PCDHA4: variants seen among roughly 807,000 people sequenced by gnomAD.
The protein encoded by PCDHA4 is protocadherin alpha-4.
A neutral mutation model predicts 61.4 loss-of-function variants in PCDHA4; 49 were observed. The observed-to-expected ratio is 0.80, with a 90% CI of 0.63 to 1.01. The LOEUF is 1.01. Among genes scored for constraint, PCDHA4 ranks in the 50% least tolerant of loss-of-function variants. The probability of loss-of-function intolerance (pLI) is 0.00; values close to 1 mark genes in which losing one functional copy is unlikely to be tolerated. For synonymous variants in PCDHA4, 590 were observed against 550.3 expected, an observed-to-expected ratio of 1.07 and a Z score of -1.01; for missense variants, 1,254 against 1,235.8, an observed-to-expected ratio of 1.01 and a Z score of -0.22.
At chr5:141,005,796 AAC>A (rs2098240426) in intron 3 of PCDHA4, among the ~76,000 whole-genome samples, 1 of 151,400 alleles carries the variant, frequency 6.6e-6, no homozygotes, top group Admixed American at 6.6e-5. Flanking sequence ...AGGCAAAAAC[AAC>A]TCCAAGGAGC....
chr5:140,927,621 A>G (rs141117468), intron 1 of PCDHA4: 25 of 1,614,198 alleles, frequency 1.5e-5, no homozygotes, highest in Middle Eastern at 3.3e-4. Context: ...CCAAGGTTCC[A>G]GAGACTGCAC....
intron 1 of PCDHA4, chr5:140,836,158 C>A (rs1774252589): frequency 6.2e-7 from 1 of 1,613,784 alleles, no homozygotes; most frequent in African/African-American, 1.3e-5. Flanking sequence ...CATGTGGTGG[C>A]GAAGGTACGT....
intron 1 of PCDHA4, among the ~76,000 whole-genome samples, chr5:140,819,566 TAGA>T (rs1554127716): frequency 6.6e-6 from 1 of 152,136 alleles, no homozygotes; most frequent in Non-Finnish European, 1.5e-5. Context: ...GAAAATAGCT[TAGA>T]AGAAGATTTT....
chr5:140,863,164 G>A, intron 1 of PCDHA4: 2 of 661,250 alleles, frequency 3.0e-6, no homozygotes, highest in Non-Finnish European at 5.5e-6. Flanking sequence ...CTGCGAGCTG[G>A]CGCTGACTGC....
chr5:140,846,261 G>T (rs922886728), intron 1 of PCDHA4, among the ~76,000 whole-genome samples: 4 of 148,852 alleles, frequency 2.7e-5, no homozygotes, highest in Admixed American at 6.7e-5. Flanking sequence ...TTTTGATGAT[G>T]ATTTAAAGTC....
chr5:141,010,438 CA>C lies in PCDHA4; in HGVS notation c.*504del. ...TACAAGGAAGGCAAGAAAACAAAGA[CA>C]AATAAACAGCGGAAGTTATCAGTAT... On this transcript the variant is annotated 3_prime_UTR_variant, in exon 4 of 4. Transcript: ENST00000530339. 1.0e-6 allele frequency: 1 copy of C among 998,926 alleles called. No individual in the cohort carries two copies. The highest frequency in any genetic ancestry group is 1.4e-6 in the Non-Finnish European group (1 of 704,790). The allele number at this position is 998,926 out of a possible 1,614,324, so 61.9% of individuals were successfully genotyped here.
chr5:140,851,692 A>T, intron 1 of PCDHA4: 1 of 939,600 alleles, frequency 1.1e-6, no homozygotes, highest in Non-Finnish European at 1.3e-6. Flanking sequence ...TCAGTGATAA[A>T]ATGATCAGCC....
intron 1 of PCDHA4, chr5:140,882,806 T>A: frequency 6.2e-7 from 1 of 1,614,218 alleles, no homozygotes; most frequent in Non-Finnish European, 8.5e-7. Flanking sequence ...TTATTTCACT[T>A]TGGACGCACA....
At chr5:140,926,296 G>A in intron 1 of PCDHA4, 1 of 152,316 alleles carries the variant, frequency 6.6e-6, no homozygotes, top group Non-Finnish European at 1.5e-5. Context: ...GCTGAGTCCC[G>A]CCCTCTCCGC....
At chr5:140,973,472 T>C (rs572763440) in intron 1 of PCDHA4, among the ~76,000 whole-genome samples, 3 of 152,220 alleles carry the variant, frequency 2.0e-5, no homozygotes, top group Non-Finnish European at 4.4e-5. Flanking sequence ...AGTTTGCAAA[T>C]TTCATATTGG....
At chr5:140,988,157 G>A (rs1344911037) in intron 3 of PCDHA4, among the ~76,000 whole-genome samples, 5 of 152,014 alleles carry the variant, frequency 3.3e-5, no homozygotes, top group African/African-American at 7.3e-5. Context: ...AACTTCTGCC[G>A]TTGTCATAGC....
At chr5:140,843,559 G>A in intron 1 of PCDHA4, 1 of 1,595,950 alleles carries the variant, frequency 6.3e-7, no homozygotes, top group Non-Finnish European at 8.6e-7. Flanking sequence ...GTGCGGTGGG[G>A]AGCTGGTCAT....
intron 1 of PCDHA4, chr5:140,884,593 C>A: frequency 6.2e-7 from 1 of 1,614,162 alleles, no homozygotes; most frequent in Non-Finnish European, 8.5e-7. Flanking sequence ...TCAGTCCCAG[C>A]CTTCCTCCTT....
chr5:140,823,828 G>A, intron 1 of PCDHA4: 1 of 1,613,824 alleles, frequency 6.2e-7, no homozygotes, highest in Non-Finnish European at 8.5e-7. Context: ...GTCGGCGGGC[G>A]CTGTGGGTCC....
intron 1 of PCDHA4, chr5:140,849,676 C>G (rs2150444871): frequency 1.3e-6 from 2 of 1,598,588 alleles, no homozygotes; most frequent in African/African-American, 2.7e-5. Context: ...CCCCACGTCC[C>G]CTTCAAGCTG....
intron 1 of PCDHA4, chr5:140,869,206 G>T (rs192388233): frequency 7.4e-6 from 12 of 1,613,854 alleles, no homozygotes; most frequent in African/African-American, 1.3e-5. Flanking sequence ...CCACTACTCC[G>T]TCTCGGAGGA....
intron 1 of PCDHA4, among the ~76,000 whole-genome samples, chr5:140,895,802 CTGTATTGTAT>C (rs1289601886): frequency 6.6e-6 from 1 of 152,048 alleles, no homozygotes; most frequent in Admixed American, 6.6e-5. Context: ...ATGTACAATA[CTGTATTGTAT>C]TGTATTGTAT....
intron 3 of PCDHA4, among the ~76,000 whole-genome samples, chr5:140,983,261 CT>C (rs1240749572): frequency 7.9e-5 from 12 of 152,158 alleles, no homozygotes; most frequent in Admixed American, 7.9e-4. Context: ...TGTAAAAAAC[CT>C]AATGGCTGGG....
At chr5:140,857,683 C>A in intron 1 of PCDHA4, 1 of 1,597,084 alleles carries the variant, frequency 6.3e-7, no homozygotes, top group East Asian at 2.2e-5. Context: ...CGCCTCTGGG[C>A]AGCAACTTGA....
Sources: allele counts gnomAD v4.1 joint callset (sites outside exome capture counted in the v4.1 genomes callset), GRCh38; gene constraint gnomAD v4.1.1; transcripts MANE v1.5; gene names NCBI Gene and HGNC (gene_info 2026-07-23, HGNC 2026-07-21).